Variants in MFAP4 observed in about 807,000 individuals in gnomAD.
MFAP4 encodes microfibril associated protein 4, also known as microfibril-associated glycoprotein 4.
Under a neutral mutation model 32.4 loss-of-function variants are expected in MFAP4, and 20 were observed. That is an observed-to-expected ratio of 0.62 (90% confidence interval 0.43 to 0.90). The LOEUF is 0.90. Ranked by LOEUF, MFAP4 falls within the 40% of genes least tolerant of loss-of-function variation. MFAP4 has a pLI of 0.00. For synonymous variants in MFAP4, 146 were observed against 137.4 expected (o/e 1.06, Z -0.44); for missense variants, 267 against 329.5 (o/e 0.81, Z 1.47).
intron 2 of MFAP4, 80 bp from the exon 3 acceptor site, chr17:19,386,544 AGTCCCTGGGGCTGG>A: frequency 6.6e-7 from 1 of 1,503,938 alleles, no homozygotes; most frequent in Non-Finnish European, 9.1e-7. Context: ...GGTTTGCCTC[AGTCCCTGGGGCTGG>A]GGGACTTTGA....
At chr17:19,386,967 C>A in intron 1 of MFAP4, 129 bp from the exon 2 acceptor site, 1 of 1,164,722 alleles carries the variant, frequency 8.6e-7, no homozygotes, top group South Asian at 1.3e-5. Flanking sequence ...CTATTTGGCC[C>A]CTCTTCCCTG....
chr17:19,385,183 C>T lies in MFAP4; in HGVS notation c.436G>A (p.Asp146Asn). 6.2e-7 allele frequency: 1 copy of T among 1,614,292 alleles called. No homozygotes were observed. The highest frequency in any genetic ancestry group is 8.5e-7 in the Non-Finnish European group (1 of 1,180,048). ...ACCGCGTTCGGGGAGATGGAGAAGT[C>T]AGCGTACTTGGCATAGGCCGTGTTG... ...ENNTAYAKYA[D>N]FSISPNAVSA... Residue 146 changes from aspartate to asparagine, a missense_variant, in exon 5 of 6, where the codon GAC (aspartate) becomes AAC (asparagine). Around this residue, in one of 3 missense-constraint regions of MFAP4, gnomAD observed 223 missense variants for 253.3 expected, o/e 0.88. Transcript: ENST00000299610.
chr17:19,385,323 G>A (rs1912992424), intron 4 of MFAP4, 35 bp downstream of exon 4: 8 of 1,614,176 alleles, frequency 5.0e-6, no homozygotes, highest in Admixed American at 1.7e-5. Flanking sequence ...CCTGGCCCTG[G>A]GGCAGCCCCT....
Position 19,383,504 on chromosome 17 carries a change from A to G in MFAP4, c.*958T>C. The G allele has an allele frequency of 4.0e-6, 1 of 252,428 alleles. No individual in the cohort carries two copies. Among genetic ancestry groups the G allele is most frequent in the Non-Finnish European group, 7.4e-6 (1 of 134,794 alleles). The allele number at this position is 252,428 out of a possible 1,614,324, so 15.6% of individuals were successfully genotyped here. A position where few individuals can be genotyped will look rare whatever the true frequency, so the allele number is the denominator to read the frequency against. ...TTATTACACTGTCTTTTTGCCATCA[A>G]AATGAGGCCTGTGAAATACAAGGTT... On this transcript the variant is annotated 3_prime_UTR_variant, in exon 6 of 6. Transcript: ENST00000299610.
At position 19,384,133 on chromosome 17, in the gene MFAP4, T is replaced by A; in HGVS notation, c.*329A>T. 2 of 343,636 alleles carry A rather than the reference T, an allele frequency of 5.8e-6. No individual in the cohort carries two copies. Among genetic ancestry groups the A allele is most frequent in the South Asian group, 2.8e-5 (1 of 36,058 alleles). The allele number at this position is 343,636 out of a possible 1,614,324, so 21.3% of individuals were successfully genotyped here. A position where few individuals can be genotyped will look rare whatever the true frequency, so the allele number is the denominator to read the frequency against. ...CCACAAAGGCCTGCAGCTGGGAGAG[T>A]GGCTCCTGGCTGTCAGCTGTTGGGA... is the stretch of plus-strand genomic sequence containing the variant. On this transcript the variant is annotated 3_prime_UTR_variant, in exon 6 of 6. Coordinates refer to ENST00000299610, the MANE Select transcript of MFAP4 (RefSeq NM_002404.3).
intron 2 of MFAP4, 119 bp from the exon 3 acceptor site, chr17:19,386,583 G>A: frequency 7.6e-7 from 1 of 1,315,258 alleles, no homozygotes; most frequent in Non-Finnish European, 1.1e-6. Context: ...AGGAGTCATG[G>A]AAGATTTCTT....
rs769291872 is a variant in MFAP4, at chr17:19,387,029, C to G, written c.6+121G>C. On this transcript the variant is annotated intron_variant, in intron 1 of 5. Coordinates refer to ENST00000299610, the MANE Select transcript of MFAP4 (RefSeq NM_002404.3). Reference sequence around the variant, plus strand: ...CCCACTCTCTGGGACGCTGTGTACCCTCATAGCTTACGAGTTTCAAGAGAA... The same window carrying G: ...CCCACTCTCTGGGACGCTGTGTACCGTCATAGCTTACGAGTTTCAAGAGAA... 7.8e-6 allele frequency: 12 copies of G among 1,528,962 alleles called. No individual in the cohort carries two copies. The South Asian group carries it at 1.4e-4, about 18-fold the overall frequency. The allele number at this position is 1,528,962 out of a possible 1,614,324, so 94.7% of individuals were successfully genotyped here.
rs777819824 is a variant in MFAP4 at position 19,384,449 on chromosome 17, G to C, written c.*13C>G. The stretch of plus-strand genomic sequence containing the variant: ...TGTCCAGGGGAGGAAAGGTGCCTGA[G>C]GGGGCCAGCCCTTCAGGCCCGGCGG... On this transcript the variant is annotated 3_prime_UTR_variant, in exon 6 of 6. Transcript: ENST00000299610. The C allele has an allele frequency of 1.9e-5, 30 of 1,558,262 alleles. No individual in the cohort carries two copies. The highest frequency in any genetic ancestry group is 2.6e-5 in the Non-Finnish European group (30 of 1,150,036).
Position 19,384,684 on chromosome 17 carries a change from G to A in MFAP4, c.546C>T (p.Gly182=), listed in dbSNP as rs762449789. Residue 182 remains glycine, a synonymous_variant, in exon 6 of 6, where the codon GGC becomes GGT. Transcript: ENST00000299610. ...CCCGGTCGAAGGTAGAGAACTTCTG[G>A]CCACTGTGGTAGGACAGGGAGTCAC... ...GAGDSLSYHS[G]QKFSTFDRDQ... 1 of 1,614,174 alleles carries A rather than the reference G, an allele frequency of 6.2e-7. No individual in the cohort carries two copies. The highest frequency in any genetic ancestry group is 1.1e-5 in the South Asian group (1 of 91,086).
chr17:19,386,651 C>CT, intron 2 of MFAP4, 109 bp downstream of exon 2: 1 of 1,338,052 alleles, frequency 7.5e-7, no homozygotes, highest in Admixed American at 2.0e-5. Context: ...AAGGAGGAAC[C>CT]TGAGTCCTGC....
In MFAP4 at chr17:19,384,614, C is replaced by A; in HGVS notation, c.616G>T (p.Ala206Ser). 2 of 1,614,158 alleles carry A rather than the reference C, an allele frequency of 1.2e-6. No homozygotes were observed. Among genetic ancestry groups the A allele is most frequent in the Non-Finnish European group, 1.7e-6 (2 of 1,180,032 alleles). Reference sequence around the variant, plus strand: ...AAGTGGCAGCTGCGGAACCAGAAGGCTCCTGAGGAGAGAGCTGCGCAGTTC... The same window carrying A: ...AAGTGGCAGCTGCGGAACCAGAAGGATCCTGAGGAGAGAGCTGCGCAGTTC... ...VQNCAALSSG[A>S]FWFRSCHFAN... Residue 206 changes from alanine to serine, a missense_variant, in exon 6 of 6, where the codon GCC becomes TCC. Around this residue, in one of 3 missense-constraint regions of MFAP4, gnomAD observed 25 missense variants for 57.5 expected, o/e 0.43. Coordinates refer to ENST00000299610, the MANE Select transcript of MFAP4 (RefSeq NM_002404.3).
At chr17:19,385,023 T>C in intron 5 of MFAP4, 76 bp downstream of exon 5, 1 of 1,520,916 alleles carries the variant, frequency 6.6e-7, no homozygotes, top group Non-Finnish European at 8.9e-7. Flanking sequence ...CTGAAGGAGG[T>C]TGGGGCTGAC....
At chr17:19,385,585 G>GGT in intron 3 of MFAP4, 131 bp from the exon 4 acceptor site, 1 of 611,406 alleles carries the variant, frequency 1.6e-6, no homozygotes, top group Non-Finnish European at 2.9e-6. Context: ...TGGGGGTGGG[G>GGT]AGGGTGGTGG....
intron 3 of MFAP4, among the ~76,000 whole-genome samples, chr17:19,385,836 C>T (rs1400816866): frequency 6.6e-6 from 1 of 152,236 alleles, no homozygotes. Flanking sequence ...TAACCTACCT[C>T]AGCTGGGCGC....
At position 19,383,790 on chromosome 17, in the gene MFAP4, A is replaced by T. The variant is rs1043198139; in HGVS notation, c.*672T>A. 1.3e-4 allele frequency: 20 copies of T among 155,316 alleles called. No individual in the cohort carries two copies. The highest frequency in any genetic ancestry group is 1.4e-4 in the Non-Finnish European group (10 of 70,214). 9.6% of individuals were successfully genotyped at this position (155,316 alleles called of 1,614,324 possible). A position where few individuals can be genotyped will look rare whatever the true frequency, so the allele number is the denominator to read the frequency against. ...AGGGTATGGGGAAGACCTCATATGC[A>T]TGCCTACCTTGGCTGTGGCTGTTTC... On this transcript the variant is annotated 3_prime_UTR_variant, in exon 6 of 6. Coordinates refer to ENST00000299610, the MANE Select transcript of MFAP4 (RefSeq NM_002404.3).
At position 19,387,054 on chromosome 17, in the gene MFAP4, ACTC is replaced by A. The variant is rs753561048; in HGVS notation, c.6+93_6+95del. On this transcript the variant is annotated intron_variant, in intron 1 of 5. Coordinates refer to ENST00000299610, the MANE Select transcript of MFAP4 (RefSeq NM_002404.3). ...CTCATAGCTTACGAGTTTCAAGAGA[ACTC>A]CTTGTGCCTTCATAGTGCCCTCTGT... 1.1e-5 allele frequency: 18 copies of A among 1,604,918 alleles called. No individual in the cohort carries two copies. In the South Asian group the frequency reaches 1.4e-4, roughly 13 times the overall value.
At chr17:19,385,505 T>G (rs903588479) in intron 3 of MFAP4, 51 bp from the exon 4 acceptor site, 9 of 1,550,736 alleles carry the variant, frequency 5.8e-6, no homozygotes, top group African/African-American at 1.4e-5. Context: ...TGGGCAAGGT[T>G]CTGGTCCTGC....
At chr17:19,386,179 C>T in intron 3 of MFAP4, 131 bp downstream of exon 3, 1 of 857,720 alleles carries the variant, frequency 1.2e-6, no homozygotes, top group Non-Finnish European at 1.7e-6. Context: ...GGCAGCTGCT[C>T]AGAAGCTGTG....
intron 2 of MFAP4, 88 bp downstream of exon 2, chr17:19,386,672 C>G: frequency 6.9e-7 from 1 of 1,443,146 alleles, no homozygotes; most frequent in Non-Finnish European, 9.5e-7. Context: ...AGAGCTGGGG[C>G]TCGGCCCTGA....
Sources: gnomAD v4.1 joint callset for allele counts (sites outside exome capture counted in the v4.1 genomes callset) on GRCh38, gnomAD v4.1.1 for gene constraint, gnomAD v4.1.1 regional missense constraint, MANE v1.5 for transcripts, NCBI Gene and HGNC (gene_info 2026-07-23, HGNC 2026-07-21) for gene names.